The following CAST variants were observed in gnomAD, a reference collection of about 807,000 sequenced individuals.
CAST encodes the protein calpastatin, also known as MIR583 host.
CAST carries 76 observed loss-of-function variants against 119.6 expected under a neutral mutation model. The ratio of observed to expected loss-of-function variants is 0.64; its 90% CI spans 0.53 to 0.77. CAST has a LOEUF of 0.77. CAST is among the 30% of genes least tolerant of loss of function. The pLI, the probability that CAST is intolerant of heterozygous loss-of-function variation, is 0.00. For missense variants in CAST, 953 were observed against 946.5 expected, an observed-to-expected ratio of 1.01 and a Z score of -0.09; for synonymous variants, 319 against 331.6, an observed-to-expected ratio of 0.96 and a Z score of 0.41.
the CAST span, among the ~76,000 whole-genome samples, chr5:96,430,252 A>C: frequency 6.6e-6 from 1 of 152,198 alleles, no homozygotes; most frequent in Non-Finnish European, 1.5e-5. Context: ...CTTTTGAGCT[A>C]GTCTCCCTTT....
the CAST span, among the ~76,000 whole-genome samples, chr5:96,139,514 A>ATATGTGTATATATATACATATATATATG: frequency 7.3e-6 from 1 of 137,390 alleles, no homozygotes; most frequent in African/African-American, 2.8e-5. Flanking sequence ...ACACATATAT[A>ATATGTGTATATATATACATATATATATG]TATGTGTATA....
chr5:96,636,165 A>G (rs1747882292), intron 1 of CAST, among the ~76,000 whole-genome samples: 1 of 152,218 alleles, frequency 6.6e-6, no homozygotes. Context: ...TAAGCACTCT[A>G]TAGAAGCTAA....
At chr5:96,038,650 CT>C in the CAST span, among the ~76,000 whole-genome samples, 1 of 150,216 alleles carries the variant, frequency 6.7e-6, no homozygotes, top group Non-Finnish European at 1.5e-5. Context: ...TAATACTTTG[CT>C]GAGAGTGATG....
At chr5:96,433,608 G>T in the CAST span, among the ~76,000 whole-genome samples, 35 of 152,184 alleles carry the variant, frequency 2.3e-4, no homozygotes, top group Admixed American at 3.3e-4. Flanking sequence ...TGGCGGGGAG[G>T]GGGGGAGGCT....
At chr5:96,108,552 G>A in the CAST span, among the ~76,000 whole-genome samples, 6 of 152,008 alleles carry the variant, frequency 3.9e-5, no homozygotes, top group Non-Finnish European at 8.8e-5. Flanking sequence ...CAGGGGTCAG[G>A]GACCCACTTG....
chr5:96,036,506 TGTTTAG>T, the CAST span, among the ~76,000 whole-genome samples: 1 of 152,148 alleles, frequency 6.6e-6, no homozygotes, highest in Non-Finnish European at 1.5e-5. Flanking sequence ...CCAATCTACA[TGTTTAG>T]GTGCCAGGGC....
At chr5:96,655,113 T>G (rs1284260947) in intron 1 of CAST, among the ~76,000 whole-genome samples, 1 of 152,158 alleles carries the variant, frequency 6.6e-6, no homozygotes, top group Non-Finnish European at 1.5e-5. Context: ...AAATATGGAA[T>G]AGAAACCTTT....
the CAST span, among the ~76,000 whole-genome samples, chr5:96,096,663 C>G: frequency 2.0e-5 from 3 of 152,222 alleles, no homozygotes; most frequent in African/African-American, 7.2e-5. Context: ...CTGCATCATT[C>G]TCAAATCCTC....
chr5:96,041,021 G>A, the CAST span, among the ~76,000 whole-genome samples: 22 of 152,094 alleles, frequency 1.4e-4, no homozygotes, highest in African/African-American at 5.3e-4. Context: ...TGGTTGGTAG[G>A]CTATTAATTA....
At chr5:96,239,007 A>G in the CAST span, among the ~76,000 whole-genome samples, 11,013 of 152,054 alleles carry the variant, frequency 0.072, 611 homozygotes, top group East Asian at 0.22. Flanking sequence ...TTCCTTTCAG[A>G]TTGGTTGTGT....
the CAST span, among the ~76,000 whole-genome samples, chr5:96,330,129 T>C: frequency 6.6e-5 from 10 of 152,242 alleles, no homozygotes; most frequent in African/African-American, 2.4e-4. Context: ...GATGTCCTGC[T>C]TTGGAGATAT....
chr5:96,743,432 G>A (rs963878939), intron 16 of CAST: 2 of 610,604 alleles, frequency 3.3e-6, no homozygotes, highest in Non-Finnish European at 2.8e-6. Context: ...AGGCAGTGTT[G>A]TGGGGAGATG....
chr5:96,630,505 G>A (rs891319890), intron 1 of CAST, among the ~76,000 whole-genome samples: 1 of 152,156 alleles, frequency 6.6e-6, no homozygotes, highest in Admixed American at 6.5e-5. Flanking sequence ...ACTCCCTTGA[G>A]GCCAGGTGCG....
chr5:96,183,005 G>A, the CAST span, among the ~76,000 whole-genome samples: 1 of 151,980 alleles, frequency 6.6e-6, no homozygotes, highest in Non-Finnish European at 1.5e-5. Context: ...CGGGCGTGGT[G>A]GCAGGCGCCT....
chr5:96,234,907 G>A, the CAST span, among the ~76,000 whole-genome samples: 2 of 152,078 alleles, frequency 1.3e-5, no homozygotes, highest in African/African-American at 4.8e-5. Context: ...ATGCATTTTG[G>A]TGAGTTTTGA....
chr5:96,592,913 T>C (rs1025721338), intron 1 of CAST, among the ~76,000 whole-genome samples: 2 of 152,076 alleles, frequency 1.3e-5, no homozygotes. Context: ...TACAGGCGCC[T>C]GCCACCACGC....
chr5:96,033,228 G>A, the CAST span, among the ~76,000 whole-genome samples: 1 of 152,040 alleles, frequency 6.6e-6, no homozygotes, highest in Non-Finnish European at 1.5e-5. Context: ...GAATTAAGTT[G>A]TTAAAATGTC....
At chr5:96,350,275 T>G in the CAST span, among the ~76,000 whole-genome samples, 1 of 152,034 alleles carries the variant, frequency 6.6e-6, no homozygotes, top group Non-Finnish European at 1.5e-5. Context: ...CTCTTTTGAG[T>G]CTTTGATCAG....
At chr5:95,978,044 T>C in the CAST span, among the ~76,000 whole-genome samples, 1 of 152,174 alleles carries the variant, frequency 6.6e-6, no homozygotes, top group Non-Finnish European at 1.5e-5. Context: ...TTATCCAGTC[T>C]ACCACTGATG....
Sources: allele counts gnomAD v4.1 joint callset (sites outside exome capture counted in the v4.1 genomes callset), GRCh38; gene constraint gnomAD v4.1.1; transcripts MANE v1.5; gene names NCBI Gene and HGNC (gene_info 2026-07-23, HGNC 2026-07-21).